LARGE1: variants seen among roughly 807,000 people sequenced by gnomAD.
LARGE1 encodes the protein LARGE xylosyl- and glucuronyltransferase 1.
Under a neutral mutation model 87.6 loss-of-function variants are expected in LARGE1, and 43 were observed. The ratio of observed to expected loss-of-function variants is 0.49; its 90% CI spans 0.38 to 0.63. The LOEUF is 0.63. Ranked by LOEUF, LARGE1 falls within the 30% of genes least tolerant of loss-of-function variation. LARGE1 has a pLI of 0.00. For synonymous variants in LARGE1, 434 were observed against 394.6 expected, an observed-to-expected ratio of 1.10 and a Z score of -1.18; for missense variants, 802 against 1,000.2, an observed-to-expected ratio of 0.80 and a Z score of 2.67.
chr22:33,773,616 T>C (rs909251697), intron 1 of LARGE1, among the ~76,000 whole-genome samples: 1 of 152,232 alleles, frequency 6.6e-6, no homozygotes, highest in South Asian at 2.1e-4. Flanking sequence ...CAAGGCACAG[T>C]CTGCATTTCA....
chr22:33,594,302 G>A (rs1569298497), intron 5 of LARGE1, among the ~76,000 whole-genome samples: 1 of 152,036 alleles, frequency 6.6e-6, no homozygotes, highest in Non-Finnish European at 1.5e-5. Flanking sequence ...AGAGCCCATA[G>A]TTTTCATTAA....
intron 1 of LARGE1, among the ~76,000 whole-genome samples, chr22:33,774,441 C>G (rs2145840247): frequency 6.6e-6 from 1 of 152,204 alleles, no homozygotes; most frequent in African/African-American, 2.4e-5. Context: ...ACTGAAAGCC[C>G]CACCTCCCGG....
chr22:33,117,490 C>T, the LARGE1 span, among the ~76,000 whole-genome samples: 1 of 150,692 alleles, frequency 6.6e-6, no homozygotes, highest in Admixed American at 6.6e-5. Context: ...TCTCTTTGAA[C>T]AGCTTAGAGG....
intron 6 of LARGE1, among the ~76,000 whole-genome samples, chr22:33,529,638 G>A (rs925317007): frequency 2.6e-5 from 4 of 152,194 alleles, no homozygotes; most frequent in African/African-American, 9.7e-5. Context: ...TCTGTGAAAC[G>A]AAGGCAGGGG....
intron 1 of LARGE1, among the ~76,000 whole-genome samples, chr22:33,798,779 G>C (rs2086067071): frequency 6.6e-6 from 1 of 152,190 alleles, no homozygotes; most frequent in African/African-American, 2.4e-5. Context: ...CCATGACACA[G>C]GCTGCAAATG....
At chr22:33,533,807 C>CT (rs1482773627) in intron 6 of LARGE1, among the ~76,000 whole-genome samples, 5 of 151,238 alleles carry the variant, frequency 3.3e-5, no homozygotes, top group African/African-American at 4.9e-5. Context: ...TCAAAGCTGC[C>CT]TTTTTTAAAA....
chr22:33,308,835 G>A (rs1352920893), intron 11 of LARGE1, among the ~76,000 whole-genome samples: 2 of 152,166 alleles, frequency 1.3e-5, no homozygotes, highest in Non-Finnish European at 2.9e-5. Flanking sequence ...AAGACTCAGG[G>A]CAGTTTGTGA....
chr22:33,183,601 A>AACACACACAC (rs779274464), intron 11 of LARGE1, among the ~76,000 whole-genome samples: 242 of 104,238 alleles, frequency 2.3e-3, no homozygotes, highest in African/African-American at 7.5e-3. Context: ...TGATGGATAA[A>AACACACACAC]ACACACACAC....
At chr22:33,779,486 T>C (rs2085349504) in intron 1 of LARGE1, among the ~76,000 whole-genome samples, 2 of 152,076 alleles carry the variant, frequency 1.3e-5, no homozygotes, top group African/African-American at 2.4e-5. Flanking sequence ...GTTTGATCAT[T>C]TTAAAACAAA....
intron 6 of LARGE1, among the ~76,000 whole-genome samples, chr22:33,513,618 A>G (rs2071154451): frequency 6.6e-6 from 1 of 152,196 alleles, no homozygotes; most frequent in African/African-American, 2.4e-5. Context: ...CACATGCAAG[A>G]GAGGAAATTA....
chr22:33,509,211 A>T (rs2070924069), intron 6 of LARGE1, among the ~76,000 whole-genome samples: 1 of 152,158 alleles, frequency 6.6e-6, no homozygotes, highest in South Asian at 2.1e-4. Flanking sequence ...CAAGACTTTG[A>T]ATACCAGCAA....
At chr22:33,506,383 T>C (rs2070767576) in intron 6 of LARGE1, among the ~76,000 whole-genome samples, 1 of 152,152 alleles carries the variant, frequency 6.6e-6, no homozygotes, top group South Asian at 2.1e-4. Flanking sequence ...AGCAGGGATC[T>C]GGCATCAGAG....
At chr22:33,484,022 C>T (rs1050953779) in intron 6 of LARGE1, among the ~76,000 whole-genome samples, 1 of 152,078 alleles carries the variant, frequency 6.6e-6, no homozygotes, top group Non-Finnish European at 1.5e-5. Flanking sequence ...AGTGAAAAGC[C>T]GCGACACGGG....
chr22:33,114,785 T>C, the LARGE1 span, among the ~76,000 whole-genome samples: 55 of 152,300 alleles, frequency 3.6e-4, no homozygotes, highest in Admixed American at 7.8e-4. Flanking sequence ...AATAATCTCA[T>C]AGAGTGGTAG....
At chr22:33,313,545 T>A (rs1232995772) in intron 11 of LARGE1, among the ~76,000 whole-genome samples, 1 of 152,204 alleles carries the variant, frequency 6.6e-6, no homozygotes, top group Admixed American at 6.5e-5. Context: ...TATCACATTG[T>A]GATCATGTGA....
intron 1 of LARGE1, among the ~76,000 whole-genome samples, chr22:33,900,943 A>T (rs757707877): frequency 6.6e-6 from 1 of 152,160 alleles, no homozygotes; most frequent in Non-Finnish European, 1.5e-5. Flanking sequence ...CCTACTCGGG[A>T]GGCTGAGGCA....
chr22:33,579,243 G>C (rs1463887856), intron 5 of LARGE1, among the ~76,000 whole-genome samples: 1 of 152,146 alleles, frequency 6.6e-6, no homozygotes, highest in Admixed American at 6.5e-5. Flanking sequence ...AGATCTGATG[G>C]TTTTAAAAAG....
At chr22:33,370,449 T>C (rs114432288) in intron 9 of LARGE1, among the ~76,000 whole-genome samples, 1,772 of 152,284 alleles carry the variant, frequency 0.012, 22 homozygotes, top group African/African-American at 0.035. Flanking sequence ...TTTTAAAAAA[T>C]CAAACTGCTT....
intron 1 of LARGE1, among the ~76,000 whole-genome samples, chr22:33,823,121 C>T (rs1209486957): frequency 6.6e-6 from 1 of 152,158 alleles, no homozygotes; most frequent in Non-Finnish European, 1.5e-5. Flanking sequence ...CAACCTAATC[C>T]ATCCTGACAA....
Sources: allele counts gnomAD v4.1 joint callset (sites outside exome capture counted in the v4.1 genomes callset), GRCh38; gene constraint gnomAD v4.1.1; transcripts MANE v1.5; gene names NCBI Gene and HGNC (gene_info 2026-07-23, HGNC 2026-07-21).